Variants in SPTLC3 observed in about 807,000 individuals in gnomAD.
The protein encoded by SPTLC3 is serine palmitoyltransferase long chain base subunit 3, also known as serine palmitoyltransferase 3.
Under a neutral mutation model 59.3 loss-of-function variants are expected in SPTLC3, and 36 were observed. That is an observed-to-expected ratio of 0.61 (90% confidence interval 0.47 to 0.80). The LOEUF (loss-of-function observed/expected upper bound fraction) is 0.80. Ranked by LOEUF, SPTLC3 falls within the 30% of genes least tolerant of loss-of-function variation. The pLI is 0.00. For synonymous variants in SPTLC3, 257 were observed against 240.8 expected, an observed-to-expected ratio of 1.07 and a Z score of -0.62; for missense variants, 625 against 685.1, an observed-to-expected ratio of 0.91 and a Z score of 0.98.
At chr20:13,033,189 G>A (rs1237954833) in intron 1 of SPTLC3, among the ~76,000 whole-genome samples, 1 of 152,132 alleles carries the variant, frequency 6.6e-6, no homozygotes, top group Non-Finnish European at 1.5e-5. Context: ...CTAAGCAAAG[G>A]TTAGAAAGGA....
At chr20:13,069,095 A>T (rs1228952561) in intron 2 of SPTLC3, among the ~76,000 whole-genome samples, 2 of 152,166 alleles carry the variant, frequency 1.3e-5, no homozygotes, top group African/African-American at 4.8e-5. Context: ...TTTCAAGCCA[A>T]CGCCAAGTTC....
chr20:13,036,075 C>T (rs1208277382), intron 1 of SPTLC3, among the ~76,000 whole-genome samples: 1 of 152,040 alleles, frequency 6.6e-6, no homozygotes, highest in Non-Finnish European at 1.5e-5. Context: ...ATCAATCAGA[C>T]ATTCAAATGT....
rs543383481 is a variant in SPTLC3, at chr20:13,033,530, C to T, written c.118-15415C>T. ...ACACACTTTTCTTCTATTCACTTCA[C>T]GTTGCTCAGAACTCAGTCTTATGGC... On this transcript the variant is annotated intron_variant, in intron 1 of 11. Coordinates refer to ENST00000399002, the MANE Select transcript of SPTLC3 (RefSeq NM_018327.4). Among the ~76,000 whole-genome samples, 4 of 152,266 alleles carry T rather than the reference C, an allele frequency of 2.6e-5. No individual in the cohort carries two copies. In the East Asian group the frequency reaches 5.8e-4, roughly 22 times the overall value.
intron 9 of SPTLC3, among the ~76,000 whole-genome samples, chr20:13,135,117 C>T (rs2038213121): frequency 2.0e-5 from 3 of 152,234 alleles, no homozygotes; most frequent in African/African-American, 4.8e-5. Flanking sequence ...GACAGAGATA[C>T]TGCCATTTCT....
intron 1 of SPTLC3, among the ~76,000 whole-genome samples, chr20:13,015,747 A>C (rs1985495272): frequency 6.6e-6 from 1 of 152,140 alleles, no homozygotes; most frequent in Non-Finnish European, 1.5e-5. Flanking sequence ...CATGTTGCTC[A>C]CCAAAAGAAT....
intron 9 of SPTLC3, 87 bp from the exon 10 acceptor site, chr20:13,153,915 AG>A: frequency 6.5e-7 from 1 of 1,537,474 alleles, no homozygotes; most frequent in Non-Finnish European, 8.8e-7. Context: ...GCCTGCAGAA[AG>A]ACTTAAAGAT....
chr20:13,009,828 T>G (rs751710663), intron 1 of SPTLC3, among the ~76,000 whole-genome samples: 2 of 152,176 alleles, frequency 1.3e-5, no homozygotes, highest in African/African-American at 2.4e-5. Flanking sequence ...CCATGAGAAA[T>G]GCATCACTGT....
intron 7 of SPTLC3, among the ~76,000 whole-genome samples, 158 bp downstream of exon 7, chr20:13,110,375 G>A (rs534288493): frequency 2.0e-5 from 3 of 152,186 alleles, no homozygotes; most frequent in East Asian, 1.9e-4. Context: ...GCTGTCAGAC[G>A]TGGGTTATCT....
chr20:13,053,374 A>G (rs550035313), intron 2 of SPTLC3, among the ~76,000 whole-genome samples: 2 of 152,234 alleles, frequency 1.3e-5, no homozygotes, highest in East Asian at 1.9e-4. Flanking sequence ...ACGTCCACAC[A>G]AAAACCCCAT....
chr20:13,070,017 A>G (rs1023871016), intron 2 of SPTLC3, among the ~76,000 whole-genome samples: 26 of 152,212 alleles, frequency 1.7e-4, no homozygotes, highest in Non-Finnish European at 3.4e-4. Flanking sequence ...ATAATCCACA[A>G]AGCAGTAAAC....
At position 13,117,686 on chromosome 20, in the gene SPTLC3, A is replaced by AAGTTTTGG; in HGVS notation, c.1116_1123dup (p.Ala375ValfsTer9). On this transcript the variant is annotated frameshift_variant, in exon 8 of 12. Transcript: ENST00000399002. LOFTEE classifies it high-confidence loss of function. ...ATGTGCTCATGGGCACATTCACCAA[A>AAGTTTTGG]AGTTTTGGAGCTTCAGGAGGTTACA... is the stretch of plus-strand genomic sequence containing the variant. The AAGTTTTGG allele has an allele frequency of 6.2e-7, 1 of 1,613,618 alleles. No individual in the cohort carries two copies. The highest frequency in any genetic ancestry group is 2.2e-5 in the East Asian group (1 of 44,856).
At chr20:13,069,903 A>G (rs1021398896) in intron 2 of SPTLC3, among the ~76,000 whole-genome samples, 5 of 152,288 alleles carry the variant, frequency 3.3e-5, no homozygotes, top group Admixed American at 6.5e-5. Context: ...TTACTTACAC[A>G]CCTACTGCTC....
At chr20:13,067,873 A>G (rs898971848) in intron 2 of SPTLC3, among the ~76,000 whole-genome samples, 4 of 152,246 alleles carry the variant, frequency 2.6e-5, no homozygotes, top group Non-Finnish European at 5.9e-5. Context: ...ATGTAGACGC[A>G]AATGAATAAC....
intron 9 of SPTLC3, among the ~76,000 whole-genome samples, chr20:13,144,944 T>C (rs2122904759): frequency 6.6e-6 from 1 of 152,106 alleles, no homozygotes; most frequent in Admixed American, 6.5e-5. Flanking sequence ...CCAGCTAATT[T>C]TTTTGTATTT....
chr20:13,048,031 A>T (rs962270404), intron 1 of SPTLC3, among the ~76,000 whole-genome samples: 1 of 152,186 alleles, frequency 6.6e-6, no homozygotes, highest in African/African-American at 2.4e-5. Flanking sequence ...CTTTAATAAG[A>T]ATTTAATAAG....
intron 2 of SPTLC3, among the ~76,000 whole-genome samples, chr20:13,071,819 G>A (rs1988447998): frequency 6.6e-6 from 1 of 152,172 alleles, no homozygotes; most frequent in Non-Finnish European, 1.5e-5. Flanking sequence ...CCACCCTCGA[G>A]TAGCAGTTTT....
At position 13,044,138 on chromosome 20, in the gene SPTLC3, C is replaced by T. The variant is rs867821131; in HGVS notation, c.118-4807C>T. Among the ~76,000 whole-genome samples the T allele has an allele frequency of 3.8e-4, 57 of 148,068 alleles. 1 individual carries two copies. Among genetic ancestry groups the T allele is most frequent in the South Asian group, 3.4e-3 (16 of 4,656 alleles). ...TTTTTGAGATGGAGTCTTGCTCTGT[C>T]ACCCAGACTGGAGTGCAGTGATGCA... is the stretch of plus-strand genomic sequence containing the variant. On this transcript the variant is annotated intron_variant, in intron 1 of 11. Transcript: ENST00000399002.
At chr20:13,158,448 G>A (rs1344117027) in intron 10 of SPTLC3, among the ~76,000 whole-genome samples, 2 of 152,178 alleles carry the variant, frequency 1.3e-5, no homozygotes, top group African/African-American at 4.8e-5. Flanking sequence ...TTGGCACAAA[G>A]AGAAACATGC....
chr20:13,117,614 C>G lies in SPTLC3; in HGVS notation c.1041C>G (p.Thr347=). The G allele has an allele frequency of 1.2e-6, 2 of 1,614,066 alleles. No individual in the cohort carries two copies. Among genetic ancestry groups the G allele is most frequent in the Non-Finnish European group, 1.7e-6 (2 of 1,179,950 alleles). ...ACAGTATTGGGGCCGTGGGCCCAAC[C>G]GGCCGGGGTGTCACGGAGTTCTTTG... ...EAHSIGAVGP[T]GRGVTEFFGL... The change falls in exon 8 of 12, where the codon ACC becomes ACG. Residue 347 remains threonine, a synonymous_variant. Transcript: ENST00000399002.
Sources: gnomAD v4.1 joint callset for allele counts (sites outside exome capture counted in the v4.1 genomes callset) on GRCh38, gnomAD v4.1.1 for gene constraint, MANE v1.5 for transcripts, NCBI Gene and HGNC (gene_info 2026-07-23, HGNC 2026-07-21) for gene names.